Variants in ECD observed in about 807,000 individuals in gnomAD.
The protein encoded by ECD is ecdysoneless cell cycle regulator, also known as protein ecdysoneless homolog.
A neutral mutation model predicts 77.2 loss-of-function variants in ECD; 59 were observed. That is an observed-to-expected ratio of 0.76 (90% CI 0.62 to 0.95). The LOEUF (loss-of-function observed/expected upper bound fraction) is 0.95, where lower values mean the gene tolerates loss of function less well. Ranked by LOEUF, ECD falls within the 40% of genes least tolerant of loss-of-function variation. The pLI, the probability that ECD is intolerant of heterozygous loss-of-function variation, is 0.00. For synonymous variants in ECD, 233 were observed against 267.4 expected (o/e 0.87, Z 1.26); for missense variants, 704 against 763.4 (o/e 0.92, Z 0.92).
intron 2 of ECD, 127 bp downstream of exon 2, chr10:73,163,606 T>A: frequency 1.2e-6 from 1 of 802,196 alleles, no homozygotes; most frequent in Non-Finnish European, 1.9e-6. Context: ...CAAGTATTAC[T>A]CATCTAAAAA....
intron 1 of ECD, 111 bp from the exon 2 acceptor site, chr10:73,164,061 C>A (rs540926036): frequency 1.1e-6 from 1 of 879,794 alleles, no homozygotes; most frequent in Non-Finnish European, 1.7e-6. Flanking sequence ...TTAGGCCGGG[C>A]ACAGTGGTTC....
At chr10:73,164,009 C>T in intron 1 of ECD, 59 bp from the exon 2 acceptor site, 4 of 1,438,742 alleles carry the variant, frequency 2.8e-6, no homozygotes, top group Non-Finnish European at 3.9e-6. Flanking sequence ...AACATCTGAA[C>T]TCTTTTAGAT....
chr10:73,155,621 T>C (rs943857016), intron 5 of ECD, among the ~76,000 whole-genome samples: 4 of 141,606 alleles, frequency 2.8e-5, no homozygotes, highest in African/African-American at 1.1e-4. Flanking sequence ...TTTTTTGAGA[T>C]GGAGTTTCCT....
intron 7 of ECD, among the ~76,000 whole-genome samples, chr10:73,151,492 G>A (rs376237352): frequency 3.3e-5 from 5 of 150,984 alleles, no homozygotes; most frequent in Admixed American, 6.6e-5. Flanking sequence ...AAACCTGCAC[G>A]TTGTGCACAT....
chr10:73,150,615 A>C (rs1843189502), intron 7 of ECD, among the ~76,000 whole-genome samples: 1 of 152,226 alleles, frequency 6.6e-6, no homozygotes, highest in South Asian at 2.1e-4. Flanking sequence ...AAATTTTTGC[A>C]ATCTACTTAT....
chr10:73,154,290 T>C lies in ECD; in HGVS notation c.749A>G (p.Lys250Arg). 3 of 1,611,550 alleles carry C rather than the reference T, an allele frequency of 1.9e-6. No individual in the cohort carries two copies. Among genetic ancestry groups the C allele is most frequent in the Non-Finnish European group, 8.5e-7 (1 of 1,179,136 alleles). ...TATTCGTGTTTCAGGCAAGAATGTC[T>C]TGAAAACACGACAAGCTCGCAGGTC... ...PIDLRACRVFKTFLPETRIMT... is the reference protein window; with the variant it reads ...PIDLRACRVFRTFLPETRIMT... The change falls in exon 6 of 14, where the codon AAG (lysine) becomes AGG (arginine). Residue 250 changes from lysine (K) to arginine (R), a missense_variant. Transcript: ENST00000372979.
At chr10:73,146,392 T>A (rs1294607643) in intron 8 of ECD, 31 bp from the exon 9 acceptor site, 3 of 1,467,898 alleles carry the variant, frequency 2.0e-6, no homozygotes, top group Non-Finnish European at 2.8e-6. Context: ...TATCAGAACA[T>A]TACTCACAAG....
At chr10:73,161,279 G>A (rs928781651) in intron 2 of ECD, among the ~76,000 whole-genome samples, 1 of 151,808 alleles carries the variant, frequency 6.6e-6, no homozygotes, top group African/African-American at 2.4e-5. Context: ...AAACAGCTGA[G>A]TTGGGTTTTT....
intron 9 of ECD, among the ~76,000 whole-genome samples, chr10:73,140,580 G>A (rs1843041505): frequency 6.6e-6 from 1 of 152,048 alleles, no homozygotes; most frequent in Non-Finnish European, 1.5e-5. Context: ...TACTCGGGAG[G>A]CTGAGGCAGG....
chr10:73,148,990 C>G (rs1415245509), intron 7 of ECD, among the ~76,000 whole-genome samples: 1 of 152,136 alleles, frequency 6.6e-6, no homozygotes, highest in East Asian at 1.9e-4. Flanking sequence ...TCTACTCCAC[C>G]CCTTTTGTTG....
At chr10:73,165,602 G>A (rs180820524) in intron 1 of ECD, among the ~76,000 whole-genome samples, 1 of 149,446 alleles carries the variant, frequency 6.7e-6, no homozygotes, top group Admixed American at 6.7e-5. Context: ...CACCTGCCTC[G>A]GCCTCCCAAA....
At chr10:73,147,913 T>C (rs977646905) in intron 8 of ECD, among the ~76,000 whole-genome samples, 6 of 152,136 alleles carry the variant, frequency 3.9e-5, no homozygotes, top group African/African-American at 1.4e-4. Context: ...ACTTGTGAAG[T>C]TGAATATTTT....
chr10:73,148,137 C>A, intron 8 of ECD, 139 bp downstream of exon 8: 1 of 1,027,984 alleles, frequency 9.7e-7, no homozygotes, highest in Middle Eastern at 2.8e-4. Context: ...ACCTGAGTAC[C>A]ACTGAACTAG....
intron 11 of ECD, 56 bp from the exon 12 acceptor site, chr10:73,138,126 C>G: frequency 7.4e-7 from 1 of 1,352,958 alleles, no homozygotes; most frequent in Non-Finnish European, 9.8e-7. Flanking sequence ...CTCTTTGAAA[C>G]TTTTCTAAAG....
chr10:73,165,628 T>TTA lies in ECD; in HGVS notation c.-13-1679_-13-1678insTA, dbSNP rs1361462725. Among the ~76,000 whole-genome samples the TTA allele has an allele frequency of 7.2e-5, 11 of 151,932 alleles. No individual in the cohort carries two copies. In the East Asian group the frequency reaches 2.1e-3, roughly 29 times the overall value. On this transcript the variant is annotated intron_variant, in intron 1 of 13. Transcript: ENST00000372979. Reference sequence around the variant, plus strand: ...GCCTCCCAAAGTGCTGTTTTTTTTTTTTAATTTTTAAGGGTAAATAGTAGG... The same window carrying TTA: ...GCCTCCCAAAGTGCTGTTTTTTTTTTTATTAATTTTTAAGGGTAAATAGTAGG...
intron 8 of ECD, among the ~76,000 whole-genome samples, 187 bp from the exon 9 acceptor site, chr10:73,146,548 C>T (rs913260792): frequency 3.3e-5 from 5 of 152,116 alleles, no homozygotes; most frequent in Admixed American, 6.5e-5. Context: ...TGAGGGGACG[C>T]GGCTAGATGT....
intron 1 of ECD, among the ~76,000 whole-genome samples, chr10:73,167,088 G>A (rs1190627285): frequency 6.6e-6 from 1 of 152,096 alleles, no homozygotes; most frequent in African/African-American, 2.4e-5. Flanking sequence ...CCCAATGTAT[G>A]TTTTTGGTAC....
At chr10:73,164,050 G>C in intron 1 of ECD, 100 bp from the exon 2 acceptor site, 1 of 1,034,852 alleles carries the variant, frequency 9.7e-7, no homozygotes, top group Non-Finnish European at 1.4e-6. Flanking sequence ...CTAAAATTTA[G>C]TTAGGCCGGG....
intron 2 of ECD, 138 bp from the exon 3 acceptor site, chr10:73,160,689 A>G (rs1325723394): frequency 1.8e-6 from 1 of 563,348 alleles, no homozygotes; most frequent in Non-Finnish European, 3.1e-6. Context: ...AATCCTGAAG[A>G]AGAAGCCTAC....
Sources: allele counts gnomAD v4.1 joint callset (sites outside exome capture counted in the v4.1 genomes callset), GRCh38; gene constraint gnomAD v4.1.1; transcripts MANE v1.5; gene names NCBI Gene and HGNC (gene_info 2026-07-23, HGNC 2026-07-21).